Variants in KDM5B observed in about 807,000 individuals in gnomAD.
KDM5B encodes the protein lysine demethylase 5B, also known as lysine-specific demethylase 5B.
KDM5B carries 144 observed loss-of-function variants against 193.4 expected under a neutral mutation model. The observed-to-expected ratio is 0.74, with a 90% confidence interval of 0.65 to 0.86. The LOEUF is 0.86. Among genes scored for constraint, KDM5B ranks in the 40% least tolerant of loss-of-function variants. The pLI is 0.00. For missense variants in KDM5B, 1,833 were observed against 1,886.9 expected, an observed-to-expected ratio of 0.97 and a Z score of 0.53; for synonymous variants, 668 against 682.6, an observed-to-expected ratio of 0.98 and a Z score of 0.33.
At chr1:202,746,409 G>GGA in intron 14 of KDM5B, 86 bp from the exon 15 acceptor site, 6 of 503,962 alleles carry the variant, frequency 1.2e-5, no homozygotes, top group South Asian at 6.6e-5. Flanking sequence ...ACTTGAGTCT[G>GGA]AAAAAAAAAA....
chr1:202,746,158 A>T lies in KDM5B; in HGVS notation c.2182T>A (p.Tyr728Asn). 1.2e-6 allele frequency: 2 copies of T among 1,609,888 alleles called. No homozygotes were observed. Among genetic ancestry groups the T allele is most frequent in the South Asian group, 2.2e-5 (2 of 90,720 alleles). The change falls in exon 15 of 27, where the codon TAC (tyrosine) becomes AAC (asparagine). Residue 728 changes from tyrosine (Y) to asparagine (N), a missense_variant. Tyr to Asn is a moderately radical substitution (Grantham distance 143, BLOSUM62 -2). This residue lies in a region of KDM5B where 1,379 missense variants were observed against 1,349.6 expected (regional missense o/e 1.02). Transcript: ENST00000367265. Reference sequence around the variant, plus strand: ...CCTACTTACCGCAATTTATATTTGTAAGGAGGACAGGAACACAATTCTTTT... The same window carrying T: ...CCTACTTACCGCAATTTATATTTGTTAGGAGGACAGGAACACAATTCTTTT... ...HVKELCSCPP[Y>N]KYKLRYRYTL...
chr1:202,759,805 T>C (rs1371267171), intron 8 of KDM5B, among the ~76,000 whole-genome samples: 4 of 152,232 alleles, frequency 2.6e-5, no homozygotes, highest in Non-Finnish European at 5.9e-5. Context: ...ATAACTCTAC[T>C]TTTTAAGTTG....
chr1:202,740,588 C>G, intron 20 of KDM5B, 86 bp downstream of exon 20: 2 of 1,261,176 alleles, frequency 1.6e-6, no homozygotes, highest in Admixed American at 4.4e-5. Flanking sequence ...CGGGGGCTGA[C>G]CCCCCCACCT....
intron 25 of KDM5B, among the ~76,000 whole-genome samples, 193 bp downstream of exon 25, chr1:202,730,716 G>A (rs142523639): frequency 4.5e-4 from 68 of 152,264 alleles, no homozygotes; most frequent in African/African-American, 1.5e-3. Context: ...GGCAGCAGCC[G>A]CAGTATCCTT....
rs1157479752 is a variant in KDM5B, at chr1:202,745,986, G to C, written c.2199-4C>G. 6.2e-7 allele frequency: 1 copy of C among 1,613,904 alleles called. No homozygotes were observed. The highest frequency in any genetic ancestry group is 8.5e-7 in the Non-Finnish European group (1 of 1,179,850). On this transcript the variant is annotated splice_polypyrimidine_tract_variant and splice_region_variant and intron_variant, in intron 15 of 26. Transcript: ENST00000367265. ...ATCATCCAGCGTGTACCTATACCTG[G>C]AAATAATACCACCACACTTAGCTTT...
chr1:202,732,023 C>T, intron 23 of KDM5B, 84 bp from the exon 24 acceptor site: 1 of 810,956 alleles, frequency 1.2e-6, no homozygotes, highest in South Asian at 1.6e-5. Flanking sequence ...GCTTGCATTA[C>T]CCAGGCAGGC....
At chr1:202,794,862 T>G (rs1414502218) in intron 1 of KDM5B, among the ~76,000 whole-genome samples, 2 of 152,216 alleles carry the variant, frequency 1.3e-5, no homozygotes, top group Non-Finnish European at 2.9e-5. Context: ...AAAATTTAAC[T>G]TATAAATTAG....
In KDM5B at chr1:202,746,301, A is replaced by G; in HGVS notation, c.2039T>C (p.Met680Thr). The change falls in exon 15 of 27, where the codon ATG (methionine) becomes ACG (threonine). Residue 680 changes from methionine to threonine, a missense_variant. Met to Thr is a moderately conservative substitution (Grantham distance 81, BLOSUM62 -1). This residue lies in a region of KDM5B where 1,379 missense variants were observed against 1,349.6 expected (regional missense o/e 1.02). Coordinates refer to ENST00000367265, the MANE Select transcript of KDM5B (RefSeq NM_006618.5). ...RKLGVIDSER[M>T]DFELLPDDER... ...ATCATCTGGCAACAGCTCAAAATCC[A>G]TTCTTTCCGAATCAATCACTCCCTA... is the stretch of plus-strand genomic sequence containing the variant. The G allele has an allele frequency of 1.9e-6, 3 of 1,610,072 alleles. No individual in the cohort carries two copies. Among genetic ancestry groups the G allele is most frequent in the Non-Finnish European group, 2.5e-6 (3 of 1,178,234 alleles).
At chr1:202,749,289 T>C (rs1457333484) in intron 13 of KDM5B, 150 bp from the exon 14 acceptor site, 9 of 676,868 alleles carry the variant, frequency 1.3e-5, no homozygotes, top group African/African-American at 1.3e-4. Flanking sequence ...CTGGGCCAGG[T>C]AGATGGCTCA....
At chr1:202,746,040 T>A in intron 15 of KDM5B, 58 bp from the exon 16 acceptor site, 1 of 1,602,922 alleles carries the variant, frequency 6.2e-7, no homozygotes, top group Non-Finnish European at 8.5e-7. Context: ...GAAAACTAGA[T>A]GTTTTATACT....
At chr1:202,734,081 G>A (rs1218184141) in intron 22 of KDM5B, among the ~76,000 whole-genome samples, 195 bp from the exon 23 acceptor site, 1 of 152,090 alleles carries the variant, frequency 6.6e-6, no homozygotes, top group Non-Finnish European at 1.5e-5. Flanking sequence ...GTGTAAAATG[G>A]AGGTGATAAT....
rs532038257 is a variant in KDM5B at position 202,731,379 on chromosome 1, A to G, written c.4022-316T>C. On this transcript the variant is annotated intron_variant, in intron 24 of 26. Transcript: ENST00000367265. ...TGATGACTTCTAACAGAAAGCACAG[A>G]AACAGACTGATGGCCACAGTGTCAA... is the stretch of plus-strand genomic sequence containing the variant. 1.1e-3 allele frequency among the ~76,000 whole-genome samples: 166 copies of G among 152,378 alleles called. 1 individual carries two copies. Among genetic ancestry groups the G allele is most frequent in the Middle Eastern group, 6.8e-3 (2 of 294 alleles).
At chr1:202,782,342 C>T (rs979158099) in intron 1 of KDM5B, among the ~76,000 whole-genome samples, 1 of 152,116 alleles carries the variant, frequency 6.6e-6, no homozygotes, top group Non-Finnish European at 1.5e-5. Context: ...CAAAGTCTGA[C>T]CTCAATGGGA....
intron 4 of KDM5B, among the ~76,000 whole-genome samples, chr1:202,772,598 T>C (rs1372036324): frequency 1.3e-5 from 2 of 152,166 alleles, no homozygotes; most frequent in African/African-American, 4.8e-5. Flanking sequence ...TAAAAAAATT[T>C]CCTCCACAAT....
chr1:202,772,264 G>A (rs1230370828), intron 4 of KDM5B, among the ~76,000 whole-genome samples: 1 of 152,098 alleles, frequency 6.6e-6, no homozygotes, highest in African/African-American at 2.4e-5. Flanking sequence ...GAAATAAATG[G>A]GAAGCTTTTA....
At chr1:202,802,939 G>A (rs1210924175) in intron 1 of KDM5B, among the ~76,000 whole-genome samples, 1 of 152,116 alleles carries the variant, frequency 6.6e-6, no homozygotes, top group Non-Finnish European at 1.5e-5. Flanking sequence ...CAGGTGCACT[G>A]GCCCATGCCT....
chr1:202,767,278 G>A (rs747902155), intron 4 of KDM5B: 11 of 1,608,730 alleles, frequency 6.8e-6, no homozygotes, highest in East Asian at 2.2e-5. Flanking sequence ...TATAGCAAAC[G>A]CAGATCCAAA....
At chr1:202,741,126 A>G (rs1655319440) in intron 19 of KDM5B, among the ~76,000 whole-genome samples, 1 of 152,172 alleles carries the variant, frequency 6.6e-6, no homozygotes, top group South Asian at 2.1e-4. Flanking sequence ...CATTAAACCA[A>G]CTCTAGAAAA....
chr1:202,730,879 C>A lies in KDM5B; in HGVS notation c.4176+30G>T, dbSNP rs756096681. 2.2e-5 allele frequency: 34 copies of A among 1,559,044 alleles called. No homozygotes were observed. In the South Asian group the frequency reaches 3.9e-4, roughly 18 times the overall value. On this transcript the variant is annotated intron_variant, in intron 25 of 26. Coordinates refer to ENST00000367265, the MANE Select transcript of KDM5B (RefSeq NM_006618.5). The stretch of plus-strand genomic sequence containing the variant: ...AAGCATACCCCCACCCCAGACTGTG[C>A]CTTGCCCCAGAAGCCTCTCAGACAC...
Sources: allele counts gnomAD v4.1 joint callset (sites outside exome capture counted in the v4.1 genomes callset), GRCh38; gene constraint gnomAD v4.1.1; regional missense constraint gnomAD v4.1.1; transcripts MANE v1.5; gene names NCBI Gene and HGNC (gene_info 2026-07-23, HGNC 2026-07-21).